The following WASF2 variants were observed in gnomAD, a reference collection of about 807,000 sequenced individuals.
WASF2 encodes WASP family member 2, also known as actin-binding protein WASF2.
A neutral mutation model predicts 45.0 loss-of-function variants in WASF2; 14 were observed. That is an observed-to-expected ratio of 0.31 (90% CI 0.21 to 0.49). WASF2 has a LOEUF of 0.49. Among genes scored for constraint, WASF2 ranks in the 20% least tolerant of loss-of-function variants. The probability of loss-of-function intolerance (pLI) is 0.99; values close to 1 mark genes in which losing one functional copy is unlikely to be tolerated. For missense variants in WASF2, 439 were observed against 636.1 expected (o/e 0.69, Z 3.33); for synonymous variants, 200 against 236.3 (o/e 0.85, Z 1.41).
chr1:27,434,967 A>G (rs1041498820), intron 1 of WASF2, among the ~76,000 whole-genome samples: 1 of 151,512 alleles, frequency 6.6e-6, no homozygotes, highest in Non-Finnish European at 1.5e-5. Context: ...TTTTTTTTAG[A>G]CGGAGTTTTG....
rs1402939124 is a variant in WASF2, at chr1:27,428,745, T to C, written c.130+16A>G. ...CGACCCCTGAGGGCAAAGCACAGGCTCTCTGAGGCACTCACTCAGGCTGCC... is the reference window on the plus strand; with the variant it reads ...CGACCCCTGAGGGCAAAGCACAGGCCCTCTGAGGCACTCACTCAGGCTGCC... On this transcript the variant is annotated intron_variant, in intron 2 of 8. Transcript: ENST00000618852. The C allele has an allele frequency of 7.4e-6, 12 of 1,614,092 alleles. No homozygotes were observed. The highest frequency in any genetic ancestry group is 1.0e-5 in the Non-Finnish European group (12 of 1,180,002).
chr1:27,486,787 G>A (rs1557626025), intron 1 of WASF2, among the ~76,000 whole-genome samples: 1 of 151,912 alleles, frequency 6.6e-6, no homozygotes, highest in African/African-American at 2.4e-5. Context: ...AGCCAGGCGT[G>A]GCGGTGCATG....
intron 1 of WASF2, among the ~76,000 whole-genome samples, chr1:27,473,791 CAAGA>C (rs1282935597): frequency 6.6e-6 from 1 of 152,102 alleles, no homozygotes; most frequent in Non-Finnish European, 1.5e-5. Flanking sequence ...TTAATAAAAA[CAAGA>C]AAGATAAGTA....
chr1:27,432,207 T>G (rs946341775), intron 1 of WASF2, among the ~76,000 whole-genome samples: 1 of 152,196 alleles, frequency 6.6e-6, no homozygotes, highest in Non-Finnish European at 1.5e-5. Flanking sequence ...CTTCAAGTTA[T>G]AGAAAATGTA....
At chr1:27,469,338 C>T (rs1368378744) in intron 1 of WASF2, among the ~76,000 whole-genome samples, 1 of 152,114 alleles carries the variant, frequency 6.6e-6, no homozygotes, top group Non-Finnish European at 1.5e-5. Flanking sequence ...ATTTTCTATA[C>T]TTTTCTAAAG....
At chr1:27,419,583 C>G (rs1163964974) in intron 2 of WASF2, among the ~76,000 whole-genome samples, 1 of 152,158 alleles carries the variant, frequency 6.6e-6, no homozygotes, top group Non-Finnish European at 1.5e-5. Flanking sequence ...CCACTGCACC[C>G]CATCCTGGGT....
chr1:27,462,298 T>C (rs2148132123), intron 1 of WASF2, among the ~76,000 whole-genome samples: 1 of 152,190 alleles, frequency 6.6e-6, no homozygotes, highest in South Asian at 2.1e-4. Context: ...TTTTAACCAT[T>C]TGATAATAGG....
chr1:27,422,534 G>T (rs1400203360), intron 2 of WASF2, among the ~76,000 whole-genome samples: 1 of 148,128 alleles, frequency 6.8e-6, no homozygotes, highest in East Asian at 2.0e-4. Context: ...CAGGAGAATT[G>T]CATGAACCCA....
chr1:27,450,361 A>C (rs897432404), intron 1 of WASF2, among the ~76,000 whole-genome samples: 4 of 152,226 alleles, frequency 2.6e-5, no homozygotes, highest in Non-Finnish European at 5.9e-5. Flanking sequence ...GGGTGTTTTA[A>C]ACTTTCCAGG....
intron 1 of WASF2, among the ~76,000 whole-genome samples, chr1:27,480,219 T>C (rs1336797993): frequency 6.6e-6 from 1 of 152,132 alleles, no homozygotes; most frequent in Non-Finnish European, 1.5e-5. Context: ...GCAAACTTTT[T>C]AAACTGAGTA....
At chr1:27,471,083 G>A (rs560098804) in intron 1 of WASF2, among the ~76,000 whole-genome samples, 1 of 152,092 alleles carries the variant, frequency 6.6e-6, no homozygotes, top group Non-Finnish European at 1.5e-5. Flanking sequence ...GGTGGCTCAC[G>A]CCTGTAATCC....
chr1:27,451,011 G>A (rs1484220674), intron 1 of WASF2, among the ~76,000 whole-genome samples: 2 of 151,564 alleles, frequency 1.3e-5, no homozygotes, highest in Admixed American at 6.6e-5. Flanking sequence ...AGGAATTTGA[G>A]GCCAGCCTAG....
intron 1 of WASF2, among the ~76,000 whole-genome samples, chr1:27,454,178 TATATA>T (rs2017431578): frequency 3.2e-4 from 3 of 9,236 alleles, no homozygotes; most frequent in African/African-American, 8.2e-4. Flanking sequence ...TATATATATA[TATATA>T]TATATTTTTT....
At chr1:27,463,952 G>A (rs903910212) in intron 1 of WASF2, among the ~76,000 whole-genome samples, 8 of 151,400 alleles carry the variant, frequency 5.3e-5, no homozygotes, top group African/African-American at 1.9e-4. Context: ...TGTATTCTTA[G>A]TAGAGACAGG....
chr1:27,433,339 T>C (rs952842411), intron 1 of WASF2, among the ~76,000 whole-genome samples: 2 of 152,184 alleles, frequency 1.3e-5, no homozygotes, highest in Admixed American at 1.3e-4. Flanking sequence ...AGACTGTACA[T>C]AACTAGCACC....
Position 27,428,791 on chromosome 1 carries a change from C to T in WASF2, c.100G>A (p.Ala34Thr). ...CTGCCCAGCTGTCGGATGACATTTG[C>T]CAGGGTGATGTTGGTCACGCATTCC... ...ELECVTNITL[A>T]NVIRQLGSLS... The change falls in exon 2 of 9, where the codon GCA becomes ACA. Residue 34 changes from alanine to threonine, a missense_variant. Physicochemically the swap from Ala to Thr is moderately conservative, Grantham distance 58 (BLOSUM62 0). This residue lies in a region of WASF2 where 16 missense variants were observed against 51.1 expected (regional missense o/e 0.31). Transcript: ENST00000618852. 2.5e-6 allele frequency: 4 copies of T among 1,614,150 alleles called. No homozygotes were observed. Among genetic ancestry groups the T allele is most frequent in the Middle Eastern group, 1.6e-4 (1 of 6,062 alleles).
chr1:27,407,562 A>T lies in WASF2; in HGVS notation c.*627T>A, dbSNP rs1350438393. On this transcript the variant is annotated 3_prime_UTR_variant, in exon 9 of 9. Coordinates refer to ENST00000618852, the MANE Select transcript of WASF2 (RefSeq NM_006990.5). ...CAACAACACCAGCCTACAGAAAGGC[A>T]TCATTTTTGGGCAGAGGAGGTGAGA... is the stretch of plus-strand genomic sequence containing the variant. 6.5e-6 allele frequency: 1 copy of T among 152,778 alleles called. No homozygotes were observed. The highest frequency in any genetic ancestry group is 6.5e-5 in the Admixed American group (1 of 15,288). 9.5% of individuals were successfully genotyped at this position (152,778 alleles called of 1,614,324 possible). A position where few individuals can be genotyped will look rare whatever the true frequency, so the allele number is the denominator to read the frequency against.
At chr1:27,487,630 A>C (rs556654712) in intron 1 of WASF2, among the ~76,000 whole-genome samples, 8 of 89,540 alleles carry the variant, frequency 8.9e-5, no homozygotes, top group Non-Finnish European at 1.6e-4. Context: ...ATTTTATACA[A>C]TATATAATAT....
intron 2 of WASF2, 98 bp from the exon 3 acceptor site, chr1:27,419,186 A>C: frequency 1.5e-6 from 2 of 1,320,244 alleles, no homozygotes; most frequent in Non-Finnish European, 2.2e-6. Flanking sequence ...ACCCCCAAAC[A>C]CATACATATA....
Sources: allele counts gnomAD v4.1 joint callset (sites outside exome capture counted in the v4.1 genomes callset), GRCh38; gene constraint gnomAD v4.1.1; regional missense constraint gnomAD v4.1.1; transcripts MANE v1.5; gene names NCBI Gene and HGNC (gene_info 2026-07-23, HGNC 2026-07-21).